The following ANO4 variants were observed in gnomAD, a reference collection of about 807,000 sequenced individuals.
ANO4 encodes anoctamin-4.
In ANO4, 69 loss-of-function variants were observed where a neutral mutation model predicts 141.9. That is an observed-to-expected ratio of 0.49 (90% CI 0.40 to 0.59). The LOEUF is 0.59. Among genes scored for constraint, ANO4 ranks in the 20% least tolerant of loss-of-function variants. The pLI, the probability that ANO4 is intolerant of heterozygous loss-of-function variation, is 0.00. For synonymous variants in ANO4, 350 were observed against 394.3 expected, an observed-to-expected ratio of 0.89 and a Z score of 1.33; for missense variants, 894 against 1,162.2, an observed-to-expected ratio of 0.77 and a Z score of 3.36.
chr12:100,743,387 A>G (rs2031960738), intron 3 of ANO4, among the ~76,000 whole-genome samples: 1 of 151,946 alleles, frequency 6.6e-6, no homozygotes, highest in Non-Finnish European at 1.5e-5. Context: ...AAGCTTGGAA[A>G]TGATCTCTAT....
In ANO4 at chr12:100,954,407, T is replaced by G. The variant is rs1485259129; in HGVS notation, c.456+11872T>G. Among the ~76,000 whole-genome samples the G allele has an allele frequency of 2.0e-5, 3 of 152,072 alleles. No individual in the cohort carries two copies. The East Asian group carries it at 5.8e-4, about 29-fold the overall frequency. On this transcript the variant is annotated intron_variant, in intron 5 of 27. Transcript: ENST00000392977. Reference sequence around the variant, plus strand: ...AACTTACCTGGAGCTGCTTCAAACCTCAAATCTGCCTGTAACTACCTGCCT... The same window carrying G: ...AACTTACCTGGAGCTGCTTCAAACCGCAAATCTGCCTGTAACTACCTGCCT...
At chr12:100,805,977 G>A (rs1190236325) in intron 1 of ANO4, among the ~76,000 whole-genome samples, 1 of 152,144 alleles carries the variant, frequency 6.6e-6, no homozygotes, top group Non-Finnish European at 1.5e-5. Context: ...GAGAAAAGGA[G>A]CAACCTAACA....
At chr12:101,096,791 C>A (rs527357010) in intron 19 of ANO4, 144 bp downstream of exon 19, 6 of 635,710 alleles carry the variant, frequency 9.4e-6, no homozygotes, top group African/African-American at 9.2e-5. Flanking sequence ...CTTCTCTTCC[C>A]AAATCTCAAA....
At chr12:100,720,679 A>C (rs1296588967) in intron 1 of ANO4, among the ~76,000 whole-genome samples, 1 of 152,168 alleles carries the variant, frequency 6.6e-6, no homozygotes, top group African/African-American at 2.4e-5. Flanking sequence ...CATTGGTTAG[A>C]TACCTCCCAG....
chr12:100,900,658 T>C (rs2040553766), intron 1 of ANO4, among the ~76,000 whole-genome samples: 1 of 152,164 alleles, frequency 6.6e-6, no homozygotes, highest in Non-Finnish European at 1.5e-5. Flanking sequence ...ATGTCCTTTA[T>C]AGGGACATGG....
chr12:101,059,278 G>T (rs929577140), intron 14 of ANO4, among the ~76,000 whole-genome samples: 3 of 152,126 alleles, frequency 2.0e-5, no homozygotes, highest in Non-Finnish European at 4.4e-5. Flanking sequence ...ATTTCATTGA[G>T]GATTTTCGCA....
In ANO4 at chr12:100,866,800, T is replaced by C. The variant is rs1028833322; in HGVS notation, c.-140-34846T>C. Among the ~76,000 whole-genome samples, 51 of 152,228 alleles carry C rather than the reference T, an allele frequency of 3.4e-4. 1 individual carries two copies. Among genetic ancestry groups the C allele is most frequent in the Admixed American group, 1.0e-3 (16 of 15,276 alleles). ...GTTAGAGTTAGGATAAGAACACTGA[T>C]ACCTCTCCTTGTTCCTGGTCCTGTG... On this transcript the variant is annotated intron_variant, in intron 1 of 27. Transcript: ENST00000392977.
intron 5 of ANO4, among the ~76,000 whole-genome samples, chr12:100,943,791 A>G (rs1351017136): frequency 6.6e-6 from 1 of 152,204 alleles, no homozygotes; most frequent in Non-Finnish European, 1.5e-5. Flanking sequence ...TAGTTGATAA[A>G]TCTTACTCTT....
At chr12:100,945,808 A>G (rs1336176770) in intron 5 of ANO4, among the ~76,000 whole-genome samples, 1 of 152,182 alleles carries the variant, frequency 6.6e-6, no homozygotes, top group Admixed American at 6.5e-5. Flanking sequence ...TAGGTAAATC[A>G]TATCATCTTG....
chr12:100,845,797 T>G (rs1358260297), intron 1 of ANO4, among the ~76,000 whole-genome samples: 1 of 152,220 alleles, frequency 6.6e-6, no homozygotes, highest in Non-Finnish European at 1.5e-5. Context: ...TATATAGCAT[T>G]TACTTTACCA....
At chr12:101,043,705 C>T (rs2136635026) in intron 13 of ANO4, 70 bp downstream of exon 13, 1 of 1,123,558 alleles carries the variant, frequency 8.9e-7, no homozygotes, top group Non-Finnish European at 1.3e-6. Flanking sequence ...TGGTGGGTAA[C>T]TCTATTCTGT....
At chr12:101,065,088 T>A (rs537116222) in intron 14 of ANO4, among the ~76,000 whole-genome samples, 2 of 152,282 alleles carry the variant, frequency 1.3e-5, no homozygotes, top group African/African-American at 4.8e-5. Flanking sequence ...TAAAGTGCTT[T>A]GTTTAAGTGA....
rs552767194 is a variant in ANO4 at position 101,091,138 on chromosome 12, G to C, written c.1702-3118G>C. 3.3e-5 allele frequency among the ~76,000 whole-genome samples: 5 copies of C among 152,206 alleles called. 1 individual carries two copies. The Middle Eastern group carries it at 0.014, about 414-fold the overall frequency. ...CCCTTGTGGTTTTTCATTTATTTTA[G>C]ATATAACATGAACATCTTTGGTACT... is the stretch of plus-strand genomic sequence containing the variant. On this transcript the variant is annotated intron_variant, in intron 17 of 27. Coordinates refer to ENST00000392977, the MANE Select transcript of ANO4 (RefSeq NM_001286615.2).
chr12:100,949,843 T>A (rs1045134212), intron 5 of ANO4, among the ~76,000 whole-genome samples: 1 of 152,154 alleles, frequency 6.6e-6, no homozygotes, highest in Non-Finnish European at 1.5e-5. Context: ...AAGTTATAGA[T>A]CAATTCAGAG....
At chr12:100,949,679 G>A (rs919321822) in intron 5 of ANO4, among the ~76,000 whole-genome samples, 1 of 152,112 alleles carries the variant, frequency 6.6e-6, no homozygotes, top group Non-Finnish European at 1.5e-5. Flanking sequence ...CAACATCAGT[G>A]GGTCATATAT....
chr12:100,981,622 A>C (rs1040823853), intron 7 of ANO4, among the ~76,000 whole-genome samples: 3 of 152,156 alleles, frequency 2.0e-5, no homozygotes, highest in Non-Finnish European at 2.9e-5. Flanking sequence ...ACTGGGGAAA[A>C]GTAGGTGTCT....
intron 8 of ANO4, among the ~76,000 whole-genome samples, chr12:101,003,971 G>A (rs1289216500): frequency 1.3e-5 from 2 of 152,016 alleles, no homozygotes; most frequent in African/African-American, 2.4e-5. Flanking sequence ...ATACTTGGGT[G>A]ATATTCCTAT....
intron 8 of ANO4, among the ~76,000 whole-genome samples, chr12:100,993,200 A>C (rs1418875731): frequency 2.0e-5 from 3 of 152,134 alleles, no homozygotes; most frequent in Admixed American, 6.5e-5. Flanking sequence ...CAAAGCAAAC[A>C]AACAAGCAAA....
At chr12:100,866,390 C>G (rs1565950252) in intron 1 of ANO4, among the ~76,000 whole-genome samples, 1 of 152,158 alleles carries the variant, frequency 6.6e-6, no homozygotes, top group Non-Finnish European at 1.5e-5. Flanking sequence ...CTTACCTTCT[C>G]CAGCTCCTCA....
Sources: gnomAD v4.1 joint callset for allele counts (sites outside exome capture counted in the v4.1 genomes callset) on GRCh38, gnomAD v4.1.1 for gene constraint, MANE v1.5 for transcripts, NCBI Gene and HGNC (gene_info 2026-07-23, HGNC 2026-07-21) for gene names.